Variants in CPNE8 observed in about 807,000 individuals in gnomAD.
The protein encoded by CPNE8 is copine-8.
Under a neutral mutation model 81.5 loss-of-function variants are expected in CPNE8, and 45 were observed. The ratio of observed to expected loss-of-function variants is 0.55; its 90% CI spans 0.44 to 0.71. CPNE8 has a LOEUF of 0.71. Among genes scored for constraint, CPNE8 ranks in the 30% least tolerant of loss-of-function variants. CPNE8 has a pLI of 0.00. For synonymous variants in CPNE8, 252 were observed against 226.3 expected, an observed-to-expected ratio of 1.11 and a Z score of -1.02; for missense variants, 594 against 672.1, an observed-to-expected ratio of 0.88 and a Z score of 1.28.
chr12:38,778,566 CA>C (rs1941983509), intron 6 of CPNE8, among the ~76,000 whole-genome samples: 1 of 152,154 alleles, frequency 6.6e-6, no homozygotes, highest in African/African-American at 2.4e-5. Context: ...TCCATATCCC[CA>C]AATTGGATAT....
At chr12:38,766,921 A>G (rs2136866827) in intron 8 of CPNE8, among the ~76,000 whole-genome samples, 1 of 152,266 alleles carries the variant, frequency 6.6e-6, no homozygotes, top group South Asian at 2.1e-4. Context: ...ACCCCATTTT[A>G]CAGGTGAGGA....
rs112480921 is a variant in CPNE8 at position 38,873,099 on chromosome 12, CAT to C, written c.140-51_140-50del. ...ACATATAAATGTCTTTTATGAAAAT[CAT>C]ATGTGAATGTATACAATTTATTTTT... is the stretch of plus-strand genomic sequence containing the variant. On this transcript the variant is annotated intron_variant, in intron 2 of 19. Transcript: ENST00000331366. 3.3e-3 allele frequency: 3,795 copies of C among 1,145,472 alleles called. 104 individuals are homozygous for C. In the African/African-American group the frequency reaches 0.053, roughly 16 times the overall value. 71.0% of individuals were successfully genotyped at this position (1,145,472 alleles called of 1,614,324 possible).
upstream of CPNE8, chr12:38,905,697 C>G: frequency 6.9e-7 from 1 of 1,452,012 alleles, no homozygotes; most frequent in Non-Finnish European, 9.1e-7. Context: ...GGCGGACCTC[C>G]GCGCAGAGCC....
At chr12:38,704,927 T>C (rs1256552718) in intron 13 of CPNE8, among the ~76,000 whole-genome samples, 1 of 143,702 alleles carries the variant, frequency 7.0e-6, no homozygotes, top group Non-Finnish European at 1.5e-5. Context: ...TTTTTTTTTT[T>C]TTTTTTGCTG....
At chr12:38,879,381 C>T (rs924721626) in intron 1 of CPNE8, among the ~76,000 whole-genome samples, 16 of 152,008 alleles carry the variant, frequency 1.1e-4, no homozygotes, top group African/African-American at 3.4e-4. Context: ...TGTCTGTGAG[C>T]CTAAATTTTC....
intron 10 of CPNE8, among the ~76,000 whole-genome samples, chr12:38,746,224 T>C (rs1377386950): frequency 6.6e-6 from 1 of 152,148 alleles, no homozygotes; most frequent in East Asian, 1.9e-4. Flanking sequence ...AGATCAAAAA[T>C]ATTTTAGGAG....
intron 1 of CPNE8, among the ~76,000 whole-genome samples, chr12:38,888,337 T>C (rs1944264696): frequency 6.6e-6 from 1 of 152,214 alleles, no homozygotes; most frequent in Non-Finnish European, 1.5e-5. Flanking sequence ...CAGCTCTCTT[T>C]AAGATGCATG....
chr12:38,700,051 T>G (rs1351388268), intron 14 of CPNE8, among the ~76,000 whole-genome samples: 1 of 152,132 alleles, frequency 6.6e-6, no homozygotes, highest in Non-Finnish European at 1.5e-5. Flanking sequence ...CCAGATATTT[T>G]GTATTTAGTT....
chr12:38,881,453 A>G (rs931957263), intron 1 of CPNE8, among the ~76,000 whole-genome samples: 1 of 152,220 alleles, frequency 6.6e-6, no homozygotes, highest in East Asian at 1.9e-4. Context: ...ACTTTATCAT[A>G]AATGACAGAT....
chr12:38,891,990 G>T (rs1001878009), intron 1 of CPNE8, among the ~76,000 whole-genome samples: 2 of 152,164 alleles, frequency 1.3e-5, no homozygotes, highest in African/African-American at 4.8e-5. Context: ...AAAACAAAAA[G>T]AATGTACAAG....
intron 1 of CPNE8, among the ~76,000 whole-genome samples, chr12:38,878,071 CAACAT>C (rs1944093708): frequency 6.6e-6 from 1 of 152,144 alleles, no homozygotes; most frequent in Admixed American, 6.5e-5. Context: ...AATGCCATGG[CAACAT>C]CAGGAAGTAC....
intron 5 of CPNE8, among the ~76,000 whole-genome samples, chr12:38,831,391 G>A (rs1445180498): frequency 6.6e-6 from 1 of 152,076 alleles, no homozygotes; most frequent in Non-Finnish European, 1.5e-5. Flanking sequence ...GTGATTTCAG[G>A]AATGAGGAAA....
intron 1 of CPNE8, among the ~76,000 whole-genome samples, chr12:38,889,051 C>T (rs1036311947): frequency 6.6e-6 from 1 of 152,138 alleles, no homozygotes; most frequent in African/African-American, 2.4e-5. Flanking sequence ...TGATTCTTAT[C>T]CTATGAGAAT....
At chr12:38,882,369 A>T (rs1481379332) in intron 1 of CPNE8, among the ~76,000 whole-genome samples, 1 of 152,138 alleles carries the variant, frequency 6.6e-6, no homozygotes, top group Admixed American at 6.5e-5. Flanking sequence ...CAAAGAATGG[A>T]TTGTCCACTA....
rs377552587 is a variant in CPNE8 at position 38,848,678 on chromosome 12, G to C, written c.187-16C>G. 2.9e-5 allele frequency: 46 copies of C among 1,575,222 alleles called. 1 individual carries two copies. The East Asian group carries it at 3.9e-4, about 13-fold the overall frequency. On this transcript the variant is annotated splice_polypyrimidine_tract_variant and intron_variant, in intron 3 of 19. Transcript: ENST00000331366. The stretch of plus-strand genomic sequence containing the variant: ...TTCTTCCAAACTGTGGAAAGAGAGA[G>C]AGAATTTAAAATTAAACCTTGTACG...
chr12:38,677,663 G>A, intron 16 of CPNE8, 109 bp from the exon 17 acceptor site: 4 of 678,130 alleles, frequency 5.9e-6, no homozygotes, highest in East Asian at 2.7e-5. Flanking sequence ...TAAAATATTT[G>A]AACATGTTAG....
At chr12:38,814,071 A>T (rs1466141583) in intron 6 of CPNE8, among the ~76,000 whole-genome samples, 1 of 151,932 alleles carries the variant, frequency 6.6e-6, no homozygotes, top group Non-Finnish European at 1.5e-5. Flanking sequence ...GAAAGAATGG[A>T]GGGGGAGCTG....
intron 3 of CPNE8, among the ~76,000 whole-genome samples, chr12:38,857,843 C>T (rs2137074533): frequency 6.6e-6 from 1 of 152,290 alleles, no homozygotes; most frequent in Non-Finnish European, 1.5e-5. Context: ...TTGCAGTGAG[C>T]TGACATCGTG....
chr12:38,823,485 CAGCCTACAAAAAACAT>C (rs1359249962), intron 6 of CPNE8, among the ~76,000 whole-genome samples: 2 of 152,294 alleles, frequency 1.3e-5, no homozygotes, highest in East Asian at 3.9e-4. Flanking sequence ...GTGCTTTTGC[CAGCCTACAAAAAACAT>C]AGCCTTTGCC....
Sources: allele counts gnomAD v4.1 joint callset (sites outside exome capture counted in the v4.1 genomes callset), GRCh38; gene constraint gnomAD v4.1.1; transcripts MANE v1.5; gene names NCBI Gene and HGNC (gene_info 2026-07-23, HGNC 2026-07-21).